Variants in BTBD9 observed in about 807,000 individuals in gnomAD.
BTBD9 encodes BTB domain containing 9.
In BTBD9, 49 loss-of-function variants were observed where a neutral mutation model predicts 64.3. The observed-to-expected ratio is 0.76, with a 90% CI of 0.61 to 0.97. The LOEUF is 0.97. Among genes scored for constraint, BTBD9 ranks in the 50% least tolerant of loss-of-function variants. The pLI is 0.00. For missense variants in BTBD9, 598 were observed against 762.1 expected, an observed-to-expected ratio of 0.78 and a Z score of 2.53; for synonymous variants, 260 against 274.7, an observed-to-expected ratio of 0.95 and a Z score of 0.53.
chr6:38,181,433 G>T (rs1276321410), intron 10 of BTBD9, among the ~76,000 whole-genome samples: 1 of 152,142 alleles, frequency 6.6e-6, no homozygotes, highest in Non-Finnish European at 1.5e-5. Context: ...CTCCCCTAAA[G>T]ATCCCCTATT....
At chr6:38,419,203 C>T (rs1767800012) in intron 6 of BTBD9, among the ~76,000 whole-genome samples, 1 of 152,106 alleles carries the variant, frequency 6.6e-6, no homozygotes, top group Non-Finnish European at 1.5e-5. Context: ...TGTAACTTTT[C>T]TAGGTGTTGA....
At chr6:38,550,885 C>T (rs1040241597) in intron 6 of BTBD9, among the ~76,000 whole-genome samples, 2 of 152,170 alleles carry the variant, frequency 1.3e-5, no homozygotes, top group African/African-American at 4.8e-5. Flanking sequence ...CGCTCTGCAA[C>T]CTGGCCCCAT....
In BTBD9 at chr6:38,584,260, G is replaced by A. The variant is rs539047942; in HGVS notation, c.815-3823C>T. 1.9e-3 allele frequency among the ~76,000 whole-genome samples: 289 copies of A among 152,270 alleles called. 3 individuals are homozygous for A. Among genetic ancestry groups the A allele is most frequent in the Non-Finnish European group, 5.0e-4 (34 of 68,020 alleles). On this transcript the variant is annotated intron_variant, in intron 4 of 10. Transcript: ENST00000481247. ...GGAGAATCACTTGAACCTGGGAGGT[G>A]GAGGCTGCAGTGAGCCAAGATCATG...
chr6:38,599,943 G>A (rs1777186980), intron 1 of BTBD9, among the ~76,000 whole-genome samples: 1 of 152,212 alleles, frequency 6.6e-6, no homozygotes, highest in Non-Finnish European at 1.5e-5. Flanking sequence ...CAGAGAACTA[G>A]CAGGATAATC....
intron 6 of BTBD9, among the ~76,000 whole-genome samples, chr6:38,492,813 C>T (rs1240523043): frequency 1.3e-5 from 2 of 151,992 alleles, no homozygotes; most frequent in Non-Finnish European, 2.9e-5. Flanking sequence ...TGTACACTTT[C>T]GATTTAAGAT....
intron 9 of BTBD9, among the ~76,000 whole-genome samples, chr6:38,208,939 C>T (rs1292363899): frequency 6.6e-6 from 1 of 152,192 alleles, no homozygotes; most frequent in Non-Finnish European, 1.5e-5. Context: ...TGGCCACACG[C>T]TGACTAGCCA....
At chr6:38,332,218 T>C (rs909112062) in intron 7 of BTBD9, among the ~76,000 whole-genome samples, 3 of 152,238 alleles carry the variant, frequency 2.0e-5, no homozygotes, top group Non-Finnish European at 2.9e-5. Context: ...GCCTTTGCTT[T>C]TGTGCTGAGG....
At position 38,315,014 on chromosome 6, in the gene BTBD9, A is replaced by G. The variant is rs186230497; in HGVS notation, c.1265-26553T>C. Among the ~76,000 whole-genome samples, 230 of 151,950 alleles carry G rather than the reference A, an allele frequency of 1.5e-3. 1 individual carries two copies. The highest frequency in any genetic ancestry group is 5.1e-3 in the African/African-American group (212 of 41,436). On this transcript the variant is annotated intron_variant, in intron 7 of 10. Coordinates refer to ENST00000481247, the MANE Select transcript of BTBD9 (RefSeq NM_001099272.2). ...CAGGCGCCCGCCACCACATCTGGCTAATTTTTTGTATTTTTAGTAGAGACG... is the reference window on the plus strand; with the variant it reads ...CAGGCGCCCGCCACCACATCTGGCTGATTTTTTGTATTTTTAGTAGAGACG...
At chr6:38,241,034 C>T (rs1052195601) in intron 9 of BTBD9, among the ~76,000 whole-genome samples, 8 of 152,090 alleles carry the variant, frequency 5.3e-5, no homozygotes, top group African/African-American at 1.9e-4. Flanking sequence ...AAATGTGAAA[C>T]AAACAAACAA....
intron 7 of BTBD9, among the ~76,000 whole-genome samples, chr6:38,326,126 A>G (rs530396871): frequency 2.6e-5 from 4 of 152,294 alleles, no homozygotes; most frequent in Non-Finnish European, 5.9e-5. Context: ...TTAAAGGTAT[A>G]ACAGAAGGTC....
intron 1 of BTBD9, among the ~76,000 whole-genome samples, chr6:38,639,239 ACT>A (rs1230420542): frequency 6.6e-6 from 1 of 152,070 alleles, no homozygotes. Flanking sequence ...GAAGTTAGAA[ACT>A]CTAGGCAACA....
rs146573808 is a variant in BTBD9 at position 38,442,964 on chromosome 6, G to C, written c.1155-97871C>G. On this transcript the variant is annotated intron_variant, in intron 6 of 10. Coordinates refer to ENST00000481247, the MANE Select transcript of BTBD9 (RefSeq NM_001099272.2). The stretch of plus-strand genomic sequence containing the variant: ...ATTACATGTGTGAGCCACCGCGCTT[G>C]GCCCATTTGTGCTCTTAAAACATAA... Among the ~76,000 whole-genome samples, 432 of 151,920 alleles carry C rather than the reference G, an allele frequency of 2.8e-3. 2 individuals carry two copies. Among genetic ancestry groups the C allele is most frequent in the African/African-American group, 0.01 (415 of 41,430 alleles).
chr6:38,539,279 C>T (rs964951454), intron 6 of BTBD9, among the ~76,000 whole-genome samples: 1 of 152,132 alleles, frequency 6.6e-6, no homozygotes, highest in Non-Finnish European at 1.5e-5. Flanking sequence ...ATGTCAACAA[C>T]GAATGTGACA....
intron 6 of BTBD9, among the ~76,000 whole-genome samples, chr6:38,535,617 C>A (rs1260334433): frequency 6.6e-6 from 1 of 151,986 alleles, no homozygotes; most frequent in Non-Finnish European, 1.5e-5. Flanking sequence ...AATGACAAAG[C>A]TAAAGTAACC....
At chr6:38,532,512 C>T (rs1021488211) in intron 6 of BTBD9, among the ~76,000 whole-genome samples, 10 of 152,062 alleles carry the variant, frequency 6.6e-5, no homozygotes, top group African/African-American at 1.4e-4. Flanking sequence ...GCTCACTGCT[C>T]CAAAGAGACC....
intron 7 of BTBD9, among the ~76,000 whole-genome samples, chr6:38,334,634 A>ACATAACATAAC (rs775427238): frequency 6.8e-6 from 1 of 146,030 alleles, no homozygotes; most frequent in Admixed American, 6.8e-5. Context: ...ACATAAAATA[A>ACATAACATAAC]ATAAAATAAT....
intron 10 of BTBD9, among the ~76,000 whole-genome samples, chr6:38,189,787 C>T (rs1761977761): frequency 6.6e-6 from 1 of 152,126 alleles, no homozygotes; most frequent in Admixed American, 6.5e-5. Flanking sequence ...AATCGTCTTG[C>T]CTCAGCCTCC....
chr6:38,329,536 C>T (rs1403197426), intron 7 of BTBD9, among the ~76,000 whole-genome samples: 1 of 151,822 alleles, frequency 6.6e-6, no homozygotes. Flanking sequence ...TTGGCCAGGC[C>T]GGTCTCAAAC....
intron 6 of BTBD9, among the ~76,000 whole-genome samples, chr6:38,365,327 C>T (rs550602272): frequency 6.6e-6 from 1 of 152,180 alleles, no homozygotes; most frequent in South Asian, 2.1e-4. Context: ...ATGTTTTGGG[C>T]CTGGCTGAAC....
Sources: allele counts gnomAD v4.1 joint callset (sites outside exome capture counted in the v4.1 genomes callset), GRCh38; gene constraint gnomAD v4.1.1; transcripts MANE v1.5; gene names NCBI Gene and HGNC (gene_info 2026-07-23, HGNC 2026-07-21).